The following CSMD2 variants were observed in gnomAD, a reference collection of about 807,000 sequenced individuals.
CSMD2 encodes the protein CUB and Sushi multiple domains 2.
A neutral mutation model predicts 398.5 loss-of-function variants in CSMD2; 130 were observed. The observed-to-expected ratio is 0.33, with a 90% CI of 0.28 to 0.38. The LOEUF (loss-of-function observed/expected upper bound fraction) is 0.38, where lower values mean the gene tolerates loss of function less well. Among genes scored for constraint, CSMD2 ranks in the 10% least tolerant of loss-of-function variants. CSMD2 has a pLI of 1.00. For synonymous variants in CSMD2, 1,828 were observed against 1,908.5 expected (o/e 0.96, Z 1.10); for missense variants, 3,829 against 4,764.9 (o/e 0.80, Z 5.78).
rs939471910 is a variant in CSMD2 at position 33,594,499 on chromosome 1, CTT to C, written c.6856+6364_6856+6365del. ...TACAAGTTGAAAAAATTGCCAGCCT[CTT>C]TTTTATTTCTCTTGGTATCCAGAGA... is the stretch of plus-strand genomic sequence containing the variant. On this transcript the variant is annotated intron_variant, in intron 44 of 70. Coordinates refer to ENST00000373381, the MANE Select transcript of CSMD2 (RefSeq NM_001281956.2). 5.3e-5 allele frequency among the ~76,000 whole-genome samples: 8 copies of C among 152,304 alleles called. No individual in the cohort carries two copies. In the South Asian group the frequency reaches 6.2e-4, roughly 12 times the overall value.
chr1:33,873,157 C>G (rs1190137496), intron 5 of CSMD2, among the ~76,000 whole-genome samples: 1 of 152,208 alleles, frequency 6.6e-6, no homozygotes, highest in Non-Finnish European at 1.5e-5. Flanking sequence ...TCATCCACAC[C>G]TGCACCTGAT....
intron 2 of CSMD2, among the ~76,000 whole-genome samples, chr1:34,034,859 G>A (rs1002221085): frequency 1.3e-4 from 20 of 152,190 alleles, no homozygotes; most frequent in African/African-American, 4.8e-4. Context: ...ATATGTGACA[G>A]GAGGAGGATT....
At chr1:33,917,280 A>C (rs1408474011) in intron 5 of CSMD2, among the ~76,000 whole-genome samples, 1 of 152,200 alleles carries the variant, frequency 6.6e-6, no homozygotes, top group African/African-American at 2.4e-5. Context: ...CCTTGCTTGA[A>C]GTACACCTGG....
intron 3 of CSMD2, among the ~76,000 whole-genome samples, chr1:33,984,961 T>C (rs1646303885): frequency 6.6e-6 from 1 of 152,076 alleles, no homozygotes; most frequent in South Asian, 2.1e-4. Context: ...TATAAAAGTA[T>C]TGCACAAATG....
chr1:33,643,884 G>GGGAAGGAA (rs1314337387), intron 29 of CSMD2, among the ~76,000 whole-genome samples: 1 of 135,206 alleles, frequency 7.4e-6, no homozygotes, highest in African/African-American at 3.0e-5. Context: ...TGTGTAGTCT[G>GGGAAGGAA]GGAATGAAGG....
intron 44 of CSMD2, among the ~76,000 whole-genome samples, chr1:33,589,099 A>G (rs1639269127): frequency 6.6e-6 from 1 of 152,218 alleles, no homozygotes; most frequent in Admixed American, 6.5e-5. Flanking sequence ...AGAGATACGT[A>G]AGCTCTATGA....
At chr1:34,069,012 T>C (rs552560940) in intron 2 of CSMD2, among the ~76,000 whole-genome samples, 67 of 152,252 alleles carry the variant, frequency 4.4e-4, no homozygotes, top group Admixed American at 3.9e-3. Context: ...ATCAGCAGCA[T>C]GAAAAATGGA....
At chr1:34,145,073 G>A (rs1331218885) in intron 1 of CSMD2, among the ~76,000 whole-genome samples, 4 of 152,212 alleles carry the variant, frequency 2.6e-5, no homozygotes, top group Non-Finnish European at 5.9e-5. Context: ...TTGACTGCAT[G>A]AGAAACTTTA....
chr1:33,607,908 G>A (rs900726767), intron 41 of CSMD2, among the ~76,000 whole-genome samples: 2 of 152,220 alleles, frequency 1.3e-5, no homozygotes, highest in African/African-American at 4.8e-5. Context: ...TGGTGGAGGA[G>A]CTGGGTGTCT....
Position 33,820,565 on chromosome 1 carries a change from C to CAAAAAAAGAA in CSMD2, c.1112-10_1112-9insTTCTTTTTTT. 2.3e-6 allele frequency: 1 copy of CAAAAAAAGAA among 442,170 alleles called. No individual in the cohort carries two copies. Among genetic ancestry groups the CAAAAAAAGAA allele is most frequent in the Non-Finnish European group, 3.7e-6 (1 of 269,016 alleles). 27.4% of individuals were successfully genotyped at this position (442,170 alleles called of 1,614,324 possible). A position where few individuals can be genotyped will look rare whatever the true frequency, so the allele number is the denominator to read the frequency against. ...CACACCAACCTGAGTTACTACAAGG[C>CAAAAAAAGAA]AAAAAAAAAAAAAAAAAAAAAAACA... On this transcript the variant is annotated splice_polypyrimidine_tract_variant and intron_variant, in intron 7 of 70. Transcript: ENST00000373381.
intron 18 of CSMD2, 67 bp downstream of exon 18, chr1:33,724,449 G>C (rs1646459633): frequency 6.4e-7 from 1 of 1,571,224 alleles, no homozygotes; most frequent in Non-Finnish European, 8.7e-7. Context: ...GTGGTCTTTT[G>C]AGCACCTGTG....
At chr1:34,000,925 G>C (rs183063311) in intron 3 of CSMD2, among the ~76,000 whole-genome samples, 5 of 151,828 alleles carry the variant, frequency 3.3e-5, no homozygotes, top group African/African-American at 9.7e-5. Context: ...AGAGAAGAGA[G>C]AGGAGGTAGA....
chr1:34,151,164 C>T (rs1018032356), intron 1 of CSMD2, among the ~76,000 whole-genome samples: 1 of 152,202 alleles, frequency 6.6e-6, no homozygotes, highest in African/African-American at 2.4e-5. Context: ...CCCCTCTCCC[C>T]CTCTGCTGTG....
At chr1:34,075,401 A>T (rs141632183) in intron 2 of CSMD2, among the ~76,000 whole-genome samples, 24 of 152,376 alleles carry the variant, frequency 1.6e-4, no homozygotes, top group Admixed American at 1.5e-3. Context: ...GCTGTGATAC[A>T]TATTCATAAG....
intron 5 of CSMD2, among the ~76,000 whole-genome samples, chr1:33,847,997 G>A (rs1022207453): frequency 6.6e-6 from 1 of 152,178 alleles, no homozygotes; most frequent in African/African-American, 2.4e-5. Flanking sequence ...GCATTTCAGG[G>A]TTCCAGCAGA....
At chr1:34,104,911 C>T (rs117880686) in intron 1 of CSMD2, among the ~76,000 whole-genome samples, 2 of 152,202 alleles carry the variant, frequency 1.3e-5, no homozygotes, top group Non-Finnish European at 2.9e-5. Context: ...TAATTTGTCA[C>T]CTGCAGTGCT....
intron 5 of CSMD2, among the ~76,000 whole-genome samples, chr1:33,897,687 T>TA (rs1642480900): frequency 6.6e-6 from 1 of 152,170 alleles, no homozygotes; most frequent in Non-Finnish European, 1.5e-5. Flanking sequence ...ACCCAGGCAC[T>TA]ACCAGGGACA....
At position 33,731,706 on chromosome 1, in the gene CSMD2, T is replaced by C. The variant is rs79600867; in HGVS notation, c.2369-5021A>G. On this transcript the variant is annotated intron_variant, in intron 15 of 70. Coordinates refer to ENST00000373381, the MANE Select transcript of CSMD2 (RefSeq NM_001281956.2). ...CTTGAGACATATCAGCCAATTATAA[T>C]GTATGAAGCTAACAAGGATACTGAC... Among the ~76,000 whole-genome samples, 915 of 152,304 alleles carry C rather than the reference T, an allele frequency of 6.0e-3. 14 individuals carry two copies. Among genetic ancestry groups the C allele is most frequent in the African/African-American group, 0.021 (872 of 41,564 alleles).
intron 10 of CSMD2, among the ~76,000 whole-genome samples, chr1:33,806,829 G>C (rs1656286736): frequency 6.6e-6 from 1 of 152,146 alleles, no homozygotes; most frequent in Non-Finnish European, 1.5e-5. Context: ...CAGAGAATTA[G>C]TGAACAGAAT....
Sources: gnomAD v4.1 joint callset for allele counts (sites outside exome capture counted in the v4.1 genomes callset) on GRCh38, gnomAD v4.1.1 for gene constraint, MANE v1.5 for transcripts, NCBI Gene and HGNC (gene_info 2026-07-23, HGNC 2026-07-21) for gene names.